RAD17: variants seen among roughly 807,000 people sequenced by gnomAD.
RAD17 encodes RAD17 checkpoint clamp loader component.
Under a neutral mutation model 81.5 loss-of-function variants are expected in RAD17, and 31 were observed. The ratio of observed to expected loss-of-function variants is 0.38; its 90% CI spans 0.29 to 0.51. The LOEUF (loss-of-function observed/expected upper bound fraction) is 0.51, where lower values mean the gene tolerates loss of function less well. Ranked by LOEUF, RAD17 falls within the 20% of genes least tolerant of loss-of-function variation. RAD17 has a pLI of 0.88. For synonymous variants in RAD17, 261 were observed against 266.2 expected, an observed-to-expected ratio of 0.98 and a Z score of 0.19; for missense variants, 681 against 781.2, an observed-to-expected ratio of 0.87 and a Z score of 1.53.
intron 17 of RAD17, among the ~76,000 whole-genome samples, chr5:69,404,664 G>A (rs760960289): frequency 3.6e-4 from 54 of 151,866 alleles, no homozygotes; most frequent in South Asian, 1.0e-3. Flanking sequence ...AGCTACTCGG[G>A]AGGCTAAGGC....
chr5:69,369,496 C>T (rs1205077897), upstream of RAD17: 4 of 1,611,520 alleles, frequency 2.5e-6, no homozygotes, highest in East Asian at 2.2e-5. Flanking sequence ...AACATGGTCC[C>T]CGCCGCGACG....
chr5:69,399,332 C>T (rs1438129530), intron 16 of RAD17, among the ~76,000 whole-genome samples: 2 of 152,126 alleles, frequency 1.3e-5, no homozygotes, highest in Non-Finnish European at 2.9e-5. Flanking sequence ...GTAGCATCTG[C>T]CCCTTTGAGA....
At chr5:69,369,679 C>G, upstream of RAD17, 1 of 1,555,374 alleles carries the variant, frequency 6.4e-7, no homozygotes, top group Non-Finnish European at 8.7e-7. Flanking sequence ...GACACATTTC[C>G]GTCGCAAAGT....
In RAD17 at chr5:69,369,845, C is replaced by T. The variant is rs1284408274; in HGVS notation, c.-505C>T. On this transcript the variant is annotated 5_prime_UTR_variant, in exon 1 of 19. Transcript: ENST00000354868. ...ACCTCCGAGAGGCTCGGCGTTGAGC[C>T]CGGGTAGGGCCAGGTGGCTGCCCTT... The T allele has an allele frequency of 3.7e-6, 3 of 809,504 alleles. No homozygotes were observed. Among genetic ancestry groups the T allele is most frequent in the Non-Finnish European group, 5.9e-6 (3 of 509,278 alleles). 50.1% of individuals were successfully genotyped at this position (809,504 alleles called of 1,614,324 possible). A position where few individuals can be genotyped will look rare whatever the true frequency, so the allele number is the denominator to read the frequency against.
chr5:69,373,905 T>G lies in RAD17; in HGVS notation c.85T>G (p.Leu29Val). ...SGVSTITATS[L>V]GVNNSSHRRK... ...CGTCTCTACTATTACTGCCACATCA[T>G]TAGGTGTGAATAACTCAAGTCATAG... The change falls in exon 5 of 19, where the codon TTA becomes GTA. Residue 29 changes from leucine (L) to valine (V), a missense_variant. Physicochemically the swap from Leu to Val is conservative, Grantham distance 32. Coordinates refer to ENST00000354868, the MANE Select transcript of RAD17 (RefSeq NM_133338.3). 6.2e-7 allele frequency: 1 copy of G among 1,609,490 alleles called. No homozygotes were observed. Among genetic ancestry groups the G allele is most frequent in the Non-Finnish European group, 8.5e-7 (1 of 1,176,106 alleles).
At chr5:69,394,056 ATTT>A (rs753921631) in intron 15 of RAD17, among the ~76,000 whole-genome samples, 2 of 104,402 alleles carry the variant, frequency 1.9e-5, no homozygotes, top group South Asian at 3.0e-4. Flanking sequence ...TGCCCAGCTT[ATTT>A]TTTTTTTTTT....
intron 14 of RAD17, 50 bp downstream of exon 14, chr5:69,393,290 G>A (rs553807237): frequency 2.9e-5 from 45 of 1,563,662 alleles, no homozygotes; most frequent in South Asian, 1.4e-4. Context: ...TATATTATTC[G>A]TGTGCATATA....
intron 6 of RAD17, among the ~76,000 whole-genome samples, chr5:69,377,439 G>GTATA (rs373632198): frequency 1.1e-3 from 60 of 55,488 alleles, no homozygotes; most frequent in African/African-American, 4.7e-3. Flanking sequence ...GTGTGTGTGT[G>GTATA]TATATATATA....
Position 69,402,479 on chromosome 5 carries a change from C to A in RAD17, c.1693+2310C>A, listed in dbSNP as rs570026714. The stretch of plus-strand genomic sequence containing the variant: ...AGGAGATCAAGACCATCCTGGCTAA[C>A]CCCGTCTCTACTAAAAATATAAAAA... On this transcript the variant is annotated intron_variant, in intron 17 of 18. Coordinates refer to ENST00000354868, the MANE Select transcript of RAD17 (RefSeq NM_133338.3). Among the ~76,000 whole-genome samples, 7 of 152,134 alleles carry A rather than the reference C, an allele frequency of 4.6e-5. No individual in the cohort carries two copies. The East Asian group carries it at 1.4e-3, about 30-fold the overall frequency.
At chr5:69,400,224 A>ATTTATTTAT (rs1213203556) in intron 17 of RAD17, 55 bp downstream of exon 17, 7 of 1,174,876 alleles carry the variant, frequency 6.0e-6, no homozygotes, top group South Asian at 5.1e-5. Context: ...TTATTTATTT[A>ATTTATTTAT]TTTATTTTAT....
intron 17 of RAD17, among the ~76,000 whole-genome samples, chr5:69,402,518 G>A (rs930820819): frequency 2.6e-5 from 4 of 151,942 alleles, no homozygotes; most frequent in African/African-American, 7.2e-5. Context: ...AGCCGGGCAC[G>A]GTGGCAGGTG....
intron 13 of RAD17, chr5:69,392,926 T>C (rs1194246531): frequency 2.0e-6 from 1 of 507,162 alleles, no homozygotes; most frequent in African/African-American, 2.0e-5. Context: ...ATGGAATATT[T>C]TAAGTCTAGA....
intron 16 of RAD17, among the ~76,000 whole-genome samples, chr5:69,398,034 G>A (rs186409152): frequency 4.8e-4 from 73 of 152,056 alleles, no homozygotes; most frequent in Non-Finnish European, 7.5e-4. Context: ...GGAGAATGGC[G>A]TGAACCCAGG....
At position 69,396,563 on chromosome 5, in the gene RAD17, A is replaced by AAG; in HGVS notation, c.1572+18_1572+19insGA. 1 of 1,513,792 alleles carries AAG rather than the reference A, an allele frequency of 6.6e-7. No homozygotes were observed. The highest frequency in any genetic ancestry group is 8.8e-7 in the Non-Finnish European group (1 of 1,133,302). The allele number at this position is 1,513,792 out of a possible 1,614,324, so 93.8% of individuals were successfully genotyped here. On this transcript the variant is annotated intron_variant, in intron 16 of 18. Transcript: ENST00000354868. ...AATAAAAAGGTAAAAAAAAAAAAAA[A>AAG]AATTCTGTACTTTCAATATGTGAAC... is the stretch of plus-strand genomic sequence containing the variant.
chr5:69,409,856 C>T (rs1765857316), intron 17 of RAD17, among the ~76,000 whole-genome samples: 1 of 152,180 alleles, frequency 6.6e-6, no homozygotes, highest in Non-Finnish European at 1.5e-5. Flanking sequence ...CCCTGGCAGC[C>T]ACCATTCTAC....
chr5:69,414,603 A>G lies in RAD17; in HGVS notation c.*311A>G. On this transcript the variant is annotated 3_prime_UTR_variant, in exon 19 of 19. Coordinates refer to ENST00000354868, the MANE Select transcript of RAD17 (RefSeq NM_133338.3). ...GATGTGAAGGACTAATTCAGGATGC[A>G]AAAACGTTATTGGGGGGTTGTAAAT... 2.5e-6 allele frequency: 1 copy of G among 393,428 alleles called. No individual in the cohort carries two copies. 24.4% of individuals were successfully genotyped at this position (393,428 alleles called of 1,614,324 possible). A position where few individuals can be genotyped will look rare whatever the true frequency, so the allele number is the denominator to read the frequency against.
At chr5:69,390,695 C>G (rs299082) in intron 12 of RAD17, among the ~76,000 whole-genome samples, 72,310 of 151,552 alleles carry the variant, frequency 0.48, 17,399 homozygotes, top group South Asian at 0.54. Flanking sequence ...TGGCTCTCGC[C>G]TGTTATCCCA....
intron 4 of RAD17, 26 bp downstream of exon 4, chr5:69,372,243 G>T (rs748566639): frequency 6.5e-6 from 10 of 1,548,052 alleles, no homozygotes; most frequent in Non-Finnish European, 8.9e-6. Context: ...ATTTTTTCCA[G>T]TGGTCTTCCT....
In RAD17 at chr5:69,379,983, C is replaced by G. The variant is rs190621354; in HGVS notation, c.352-1918C>G. Reference sequence around the variant, plus strand: ...GCAACCTCTGCCTCCCGGGTTCAAGCGATTTTCTTGCCTCAGCCTCCTGAG... The same window carrying G: ...GCAACCTCTGCCTCCCGGGTTCAAGGGATTTTCTTGCCTCAGCCTCCTGAG... On this transcript the variant is annotated intron_variant, in intron 6 of 18. Coordinates refer to ENST00000354868, the MANE Select transcript of RAD17 (RefSeq NM_133338.3). Among the ~76,000 whole-genome samples, 7 of 151,790 alleles carry G rather than the reference C, an allele frequency of 4.6e-5. No individual in the cohort carries two copies. In the East Asian group the frequency reaches 1.4e-3, roughly 29 times the overall value.
Sources: allele counts gnomAD v4.1 joint callset (sites outside exome capture counted in the v4.1 genomes callset), GRCh38; gene constraint gnomAD v4.1.1; transcripts MANE v1.5; gene names NCBI Gene and HGNC (gene_info 2026-07-23, HGNC 2026-07-21).